The following PTPRB variants were observed in gnomAD, a reference collection of about 807,000 sequenced individuals.
PTPRB encodes the protein protein tyrosine phosphatase receptor type B, also known as receptor-type tyrosine-protein phosphatase beta.
PTPRB carries 97 observed loss-of-function variants against 238.1 expected under a neutral mutation model. The ratio of observed to expected loss-of-function variants is 0.41; its 90% confidence interval spans 0.35 to 0.48. PTPRB has a LOEUF of 0.48. Among genes scored for constraint, PTPRB ranks in the 20% least tolerant of loss-of-function variants. The pLI is 0.30. For synonymous variants in PTPRB, 970 were observed against 995.4 expected, an observed-to-expected ratio of 0.97 and a Z score of 0.48; for missense variants, 2,292 against 2,681.9, an observed-to-expected ratio of 0.85 and a Z score of 3.21.
At chr12:70,539,162 T>G in intron 26 of PTPRB, 148 bp from the exon 27 acceptor site, 1 of 667,586 alleles carries the variant, frequency 1.5e-6, no homozygotes, top group South Asian at 1.8e-5. Context: ...TTAGCCCTGA[T>G]CCCCACAACA....
chr12:70,556,855 A>G (rs1877761315), intron 18 of PTPRB, among the ~76,000 whole-genome samples: 1 of 152,220 alleles, frequency 6.6e-6, no homozygotes, highest in Non-Finnish European at 1.5e-5. Flanking sequence ...GAGTGGAGTG[A>G]ACACTTCTTT....
chr12:70,626,355 C>A (rs1438053075), intron 2 of PTPRB, among the ~76,000 whole-genome samples: 1 of 134,140 alleles, frequency 7.5e-6, no homozygotes, highest in African/African-American at 3.0e-5. Context: ...ATCTATCTAT[C>A]TATCTATCTA....
rs184921739 is a variant in PTPRB, at chr12:70,593,820, T to C, written c.1516+647A>G. 1.7e-3 allele frequency among the ~76,000 whole-genome samples: 261 copies of C among 152,318 alleles called. 3 individuals are homozygous for C. Among genetic ancestry groups the C allele is most frequent in the Non-Finnish European group, 3.8e-4 (26 of 68,028 alleles). On this transcript the variant is annotated intron_variant, in intron 6 of 33. Coordinates refer to ENST00000334414, the MANE Select transcript of PTPRB (RefSeq NM_001109754.4). Reference sequence around the variant, plus strand: ...AAGAGAGGAGATTTAATTCACACATTAGACTTGCTAGAAGCATTAGATTCT... The same window carrying C: ...AAGAGAGGAGATTTAATTCACACATCAGACTTGCTAGAAGCATTAGATTCT...
chr12:70,564,613 C>T (rs1288503369), intron 15 of PTPRB, among the ~76,000 whole-genome samples: 1 of 151,488 alleles, frequency 6.6e-6, no homozygotes, highest in South Asian at 2.1e-4. Flanking sequence ...AGGTGGATTT[C>T]TTGAGCCCAG....
chr12:70,617,120 G>A (rs1337203040), intron 3 of PTPRB, among the ~76,000 whole-genome samples: 1 of 152,152 alleles, frequency 6.6e-6, no homozygotes, highest in Admixed American at 6.5e-5. Context: ...ATAGCAACAT[G>A]GTCTTTTTGT....
chr12:70,562,107 CA>C (rs1878562681), intron 16 of PTPRB, among the ~76,000 whole-genome samples: 1 of 152,082 alleles, frequency 6.6e-6, no homozygotes, highest in East Asian at 1.9e-4. Context: ...CCCATCTCTA[CA>C]AAAAATAAAA....
At chr12:70,601,432 GTTTC>G (rs1883480237) in intron 4 of PTPRB, among the ~76,000 whole-genome samples, 2 of 152,142 alleles carry the variant, frequency 1.3e-5, no homozygotes, top group African/African-American at 4.8e-5. Flanking sequence ...TAAAGTCTAA[GTTTC>G]TTTCTAGGCA....
chr12:70,637,158 T>C (rs972296492), intron 1 of PTPRB, among the ~76,000 whole-genome samples, 183 bp downstream of exon 1: 5 of 152,272 alleles, frequency 3.3e-5, no homozygotes, highest in African/African-American at 1.2e-4. Flanking sequence ...TTATTTTCTT[T>C]TGGAGAGAAA....
rs757104839 is a variant in PTPRB, at chr12:70,560,950, A to C, written c.4169-16T>G. ...GAGGCTGGGACTTAAACAGAAGAAA[A>C]ATTGTTACTGAGAACAAAACAGAAA... is the stretch of plus-strand genomic sequence containing the variant. On this transcript the variant is annotated splice_polypyrimidine_tract_variant and intron_variant, in intron 16 of 33. Transcript: ENST00000334414. The surrounding 1 kb of genome is among the most constrained non-coding windows in gnomAD (Gnocchi z 4.2). 1.9e-6 allele frequency: 3 copies of C among 1,607,130 alleles called. No homozygotes were observed. Among genetic ancestry groups the C allele is most frequent in the Non-Finnish European group, 2.6e-6 (3 of 1,174,742 alleles).
At chr12:70,569,594 A>G in intron 14 of PTPRB, 81 bp downstream of exon 14, 6 of 1,529,676 alleles carry the variant, frequency 3.9e-6, no homozygotes, top group Non-Finnish European at 5.4e-6. Flanking sequence ...GGATTTGTGA[A>G]TAGCTGAGCC....
At chr12:70,586,862 AAATAGAAAACAAACAC>A (rs1197168382) in intron 9 of PTPRB, 129 bp downstream of exon 9, 3 of 825,202 alleles carry the variant, frequency 3.6e-6, no homozygotes, top group Non-Finnish European at 5.6e-6. Context: ...GCAATTGGTA[AAATAGAAAACAAACAC>A]AATAGAAAGG....
At chr12:70,595,859 C>T (rs1882963510) in intron 5 of PTPRB, among the ~76,000 whole-genome samples, 190 bp downstream of exon 5, 1 of 152,126 alleles carries the variant, frequency 6.6e-6, no homozygotes, top group Non-Finnish European at 1.5e-5. Context: ...AACAAGTTAC[C>T]AGCATAGCCA....
At chr12:70,522,023 A>G (rs1412220682) in intron 33 of PTPRB, among the ~76,000 whole-genome samples, 3 of 152,356 alleles carry the variant, frequency 2.0e-5, no homozygotes, top group Non-Finnish European at 4.4e-5. Flanking sequence ...CAGATCAATT[A>G]GGGTGTAATT....
chr12:70,622,956 G>C (rs963025368), intron 2 of PTPRB, among the ~76,000 whole-genome samples: 1 of 150,780 alleles, frequency 6.6e-6, no homozygotes, highest in Admixed American at 6.6e-5. Context: ...TTTAGGGGGG[G>C]GGTCACTGAA....
rs1871635293 is a variant in PTPRB, at chr12:70,521,413, G to A, written c.*76C>T. 4.9e-6 allele frequency: 6 copies of A among 1,235,362 alleles called. No homozygotes were observed. The highest frequency in any genetic ancestry group is 1.1e-6 in the Non-Finnish European group (1 of 898,074). 76.5% of individuals were successfully genotyped at this position (1,235,362 alleles called of 1,614,324 possible). A position where few individuals can be genotyped will look rare whatever the true frequency, so the allele number is the denominator to read the frequency against. On this transcript the variant is annotated 3_prime_UTR_variant, in exon 34 of 34. Coordinates refer to ENST00000334414, the MANE Select transcript of PTPRB (RefSeq NM_001109754.4). ...ATCAACAGAAATAGCTGGCACCTCT[G>A]TAGGGCATGAAGCAAGTTTTTAAAA...
At chr12:70,531,996 G>A (rs1009050838) in intron 32 of PTPRB, 39 bp downstream of exon 32, 9 of 1,612,836 alleles carry the variant, frequency 5.6e-6, no homozygotes, top group Admixed American at 1.7e-5. Context: ...ATACAGTGGG[G>A]AGGAGGGTGG....
chr12:70,581,067 A>G lies in PTPRB; in HGVS notation c.2547T>C (p.Ser849=). The G allele has an allele frequency of 1.2e-6, 2 of 1,613,732 alleles. No homozygotes were observed. The highest frequency in any genetic ancestry group is 1.7e-6 in the Non-Finnish European group (2 of 1,179,682). Residue 849 remains serine (S), a synonymous_variant, in exon 10 of 34, where the codon TCT becomes TCC. Transcript: ENST00000334414. Reference sequence around the variant, plus strand: ...TTCCCTCCACAACCACTTGTCGGGAAGAGATCCCTCCACTCACTGTTGTTA... The same window carrying G: ...TTCCCTCCACAACCACTTGTCGGGAGGAGATCCCTCCACTCACTGTTGTTA... ...VVVTTVSGGI[S]SRQVVVEGRT...
rs1232691897 is a variant in PTPRB at position 70,635,997 on chromosome 12, G to C, written c.125C>G (p.Ser42Ter). 6.2e-7 allele frequency: 1 copy of C among 1,613,532 alleles called. No homozygotes were observed. The highest frequency in any genetic ancestry group is 1.1e-5 in the South Asian group (1 of 90,986). ...CTGGTTCTGGATGGTCCTGTTGCATGAGCCCACGACCACTTTCTCATTTTT... is the reference window on the plus strand; with the variant it reads ...CTGGTTCTGGATGGTCCTGTTGCATCAGCCCACGACCACTTTCTCATTTTT... Reference protein sequence around the residue: ...LFKNEKVVVGSCNRTIQNQQW... With the variant: ...LFKNEKVVVG Residue 42 changes from serine to a stop codon, truncating the protein, a stop_gained, in exon 2 of 34, where the codon TCA becomes TGA. Transcript: ENST00000334414. LOFTEE classifies it high-confidence loss of function.
At chr12:70,570,893 T>G (rs1183304193) in intron 13 of PTPRB, 133 bp downstream of exon 13, 2 of 951,558 alleles carry the variant, frequency 2.1e-6, no homozygotes, top group Non-Finnish European at 3.1e-6. Context: ...TCATTGTCAC[T>G]ATCAACATGA....
Sources: allele counts gnomAD v4.1 joint callset (sites outside exome capture counted in the v4.1 genomes callset), GRCh38; gene constraint gnomAD v4.1.1; non-coding constraint Gnocchi (gnomAD v3.1); transcripts MANE v1.5; gene names NCBI Gene and HGNC (gene_info 2026-07-23, HGNC 2026-07-21).